MGST1: variants seen among roughly 807,000 people sequenced by gnomAD.
The protein encoded by MGST1 is glutathione S-transferase 12.
In MGST1, 5 loss-of-function variants were observed where a neutral mutation model predicts 8.9. The ratio of observed to expected loss-of-function variants is 0.56; its 90% CI spans 0.29 to 1.19. The LOEUF is 1.19. Ranked by LOEUF, MGST1 falls within the 50% of genes most tolerant of loss-of-function variation. The probability of loss-of-function intolerance (pLI) is 0.08; values close to 1 mark genes in which losing one functional copy is unlikely to be tolerated. For synonymous variants in MGST1, 54 were observed against 67.8 expected (o/e 0.80, Z 1.00); for missense variants, 182 against 187.4 (o/e 0.97, Z 0.17).
At chr12:16,521,956 A>G (rs1486139654) in intron 4 of MGST1, among the ~76,000 whole-genome samples, 9 of 152,120 alleles carry the variant, frequency 5.9e-5, no homozygotes, top group Non-Finnish European at 1.2e-4. Flanking sequence ...AGGTAGAAAA[A>G]AAAAATAACT....
At position 16,482,503 on chromosome 12, in the gene MGST1, C is replaced by T. The variant is rs189191446; in HGVS notation, n.482+98899C>T. ...AAAATTAGCCAGGCGCAGTGGCAGG[C>T]GCCTGTAATCCTAGCTACTCGGGAG... On this transcript the variant is annotated intron_variant and non_coding_transcript_variant, in intron 4 of 4. Coordinates refer to the MGST1 transcript ENST00000538857. This position sits in a 1 kb window ranked among gnomAD's most constrained non-coding sequence, Gnocchi z 4.2. 4.6e-5 allele frequency among the ~76,000 whole-genome samples: 7 copies of T among 151,988 alleles called. No homozygotes were observed. Among genetic ancestry groups the T allele is most frequent in the Non-Finnish European group, 7.4e-5 (5 of 67,950 alleles).
At chr12:16,380,750 G>T (rs1940445283), downstream of MGST1, among the ~76,000 whole-genome samples, 1 of 152,132 alleles carries the variant, frequency 6.6e-6, no homozygotes, top group Non-Finnish European at 1.5e-5. Context: ...GGGTGTTAAA[G>T]TCTCCCATTA....
intron 4 of MGST1, among the ~76,000 whole-genome samples, chr12:16,455,949 A>G (rs946383629): frequency 6.6e-6 from 1 of 151,856 alleles, no homozygotes; most frequent in African/African-American, 2.4e-5. Context: ...GTGTATAGGA[A>G]GAGTCATATT....
chr12:16,386,463 A>G (rs952372121), intron 1 of MGST1, among the ~76,000 whole-genome samples: 3 of 152,216 alleles, frequency 2.0e-5, no homozygotes, highest in Non-Finnish European at 4.4e-5. Flanking sequence ...GATTATCTCT[A>G]TAGAGGTCCT....
At chr12:16,470,960 T>C (rs1941286759) in intron 4 of MGST1, among the ~76,000 whole-genome samples, 1 of 152,216 alleles carries the variant, frequency 6.6e-6, no homozygotes, top group African/African-American at 2.4e-5. Flanking sequence ...CGATTTAATT[T>C]TTACTTCTTT....
intron 4 of MGST1, among the ~76,000 whole-genome samples, chr12:16,568,417 C>A (rs1439945701): frequency 1.3e-5 from 2 of 150,564 alleles, no homozygotes; most frequent in Non-Finnish European, 2.9e-5. Flanking sequence ...TGGTTTCTCC[C>A]CAACCTCCAA....
At chr12:16,351,185 A>G (rs988972727) in intron 1 of MGST1, among the ~76,000 whole-genome samples, 6 of 152,312 alleles carry the variant, frequency 3.9e-5, no homozygotes, top group African/African-American at 1.4e-4. Flanking sequence ...CTTAATTTTA[A>G]AAAACTTCAC....
chr12:16,433,898 G>T lies in MGST1; in HGVS notation n.779-3490G>T, dbSNP rs1940961074. 2.0e-5 allele frequency among the ~76,000 whole-genome samples: 3 copies of T among 152,154 alleles called. No individual in the cohort carries two copies. In the Middle Eastern group the frequency reaches 0.01, roughly 518 times the overall value. On this transcript the variant is annotated intron_variant and non_coding_transcript_variant, in intron 1 of 1. Coordinates refer to the MGST1 transcript ENST00000359720. ...GGGTTGATTTTGGGATAGGAATCCAGTAGTCCATGTCAATTTTCCATCTTA... is the reference window on the plus strand; with the variant it reads ...GGGTTGATTTTGGGATAGGAATCCATTAGTCCATGTCAATTTTCCATCTTA...
At chr12:16,545,539 T>C (rs1941818466) in intron 4 of MGST1, among the ~76,000 whole-genome samples, 2 of 152,084 alleles carry the variant, frequency 1.3e-5, no homozygotes, top group South Asian at 4.1e-4. Flanking sequence ...ATAGTATACT[T>C]GTTGTATTAT....
At chr12:16,478,366 C>G (rs246848) in intron 4 of MGST1, among the ~76,000 whole-genome samples, 39,212 of 152,018 alleles carry the variant, frequency 0.26, 5,359 homozygotes, top group African/African-American at 0.28. Context: ...TCCTCTCATT[C>G]TCTTGAAAGC....
rs1269753292 is a variant in MGST1 at position 16,555,157 on chromosome 12, G to A, written n.483-34371G>A. Among the ~76,000 whole-genome samples, 1 of 152,156 alleles carries A rather than the reference G, an allele frequency of 6.6e-6. No homozygotes were observed. Among genetic ancestry groups the A allele is most frequent in the Non-Finnish European group, 1.5e-5 (1 of 68,034 alleles). On this transcript the variant is annotated intron_variant and non_coding_transcript_variant, in intron 4 of 4. Coordinates refer to the MGST1 transcript ENST00000538857. This position sits in a 1 kb window ranked among gnomAD's most constrained non-coding sequence, Gnocchi z 5.5. ...TTGGTGTTTGACTAATACTTTATCA[G>A]AATTTGCTATCATTATTATTTGGTA...
downstream of MGST1, among the ~76,000 whole-genome samples, chr12:16,590,662 T>A (rs549344536): frequency 3.2e-4 from 48 of 152,156 alleles, no homozygotes; most frequent in South Asian, 9.5e-3. Context: ...TTGGTCAAGA[T>A]CTTACTCTCA....
At chr12:16,461,210 C>A (rs1941217664) in intron 4 of MGST1, among the ~76,000 whole-genome samples, 1 of 149,670 alleles carries the variant, frequency 6.7e-6, no homozygotes, top group African/African-American at 2.5e-5. Context: ...CATAACATCA[C>A]TGACCTTGTT....
At chr12:16,395,780 C>CAT (rs369986291) in intron 1 of MGST1, among the ~76,000 whole-genome samples, 5,732 of 121,658 alleles carry the variant, frequency 0.047, 292 homozygotes, top group Non-Finnish European at 0.061. Context: ...AGTATTCCAT[C>CAT]ATATATATAT....
intron 4 of MGST1, among the ~76,000 whole-genome samples, chr12:16,578,543 C>T (rs921282341): frequency 7.2e-5 from 11 of 152,026 alleles, no homozygotes; most frequent in East Asian, 3.9e-4. Flanking sequence ...TTAGGCCGGG[C>T]GCCGTGGCTC....
intron 4 of MGST1, among the ~76,000 whole-genome samples, chr12:16,554,793 A>G (rs1942127059): frequency 6.6e-6 from 1 of 152,110 alleles, no homozygotes; most frequent in African/African-American, 2.4e-5. Context: ...AGTAGCTCTG[A>G]CTACAGGCGC....
intron 4 of MGST1, among the ~76,000 whole-genome samples, chr12:16,461,829 G>A (rs1370812687): frequency 1.3e-5 from 2 of 151,952 alleles, no homozygotes; most frequent in African/African-American, 2.4e-5. Flanking sequence ...CACCATAATC[G>A]TCTTTATCAT....
chr12:16,426,857 A>G (rs991217560), intron 1 of MGST1, among the ~76,000 whole-genome samples: 2 of 151,624 alleles, frequency 1.3e-5, no homozygotes, highest in Non-Finnish European at 2.9e-5. Flanking sequence ...CTGTAGTCCC[A>G]GCTACTTGGG....
chr12:16,412,638 TC>T (rs1185224372), intron 1 of MGST1, among the ~76,000 whole-genome samples: 1 of 152,096 alleles, frequency 6.6e-6, no homozygotes, highest in Non-Finnish European at 1.5e-5. Flanking sequence ...ATGAGTTTTT[TC>T]CATGCTGTTC....
Sources: allele counts gnomAD v4.1 joint callset (sites outside exome capture counted in the v4.1 genomes callset), GRCh38; gene constraint gnomAD v4.1.1; non-coding constraint Gnocchi (gnomAD v3.1); transcripts MANE v1.5; gene names NCBI Gene and HGNC (gene_info 2026-07-23, HGNC 2026-07-21).